The following RIT2 variants were observed in gnomAD, a reference collection of about 807,000 sequenced individuals.
RIT2 encodes the protein GTP-binding protein Rit2.
Under a neutral mutation model 23.7 loss-of-function variants are expected in RIT2, and 24 were observed. That is an observed-to-expected ratio of 1.01 (90% CI 0.73 to 1.43). The LOEUF (loss-of-function observed/expected upper bound fraction) is 1.43. RIT2 is among the 40% of genes most tolerant of loss of function. The probability of loss-of-function intolerance (pLI) is 0.00; values close to 1 mark genes in which losing one functional copy is unlikely to be tolerated. For missense variants in RIT2, 236 were observed against 266.9 expected, an observed-to-expected ratio of 0.88 and a Z score of 0.81; for synonymous variants, 107 against 91.1, an observed-to-expected ratio of 1.17 and a Z score of -0.99.
intron 3 of RIT2, among the ~76,000 whole-genome samples, chr18:42,929,053 A>ATATATATT (rs1232308061): frequency 2.8e-5 from 4 of 145,370 alleles, no homozygotes; most frequent in Admixed American, 7.0e-5. Flanking sequence ...ATATATATAT[A>ATATATATT]TATATTTATA....
chr18:42,784,539 T>C (rs1278759827), intron 4 of RIT2, among the ~76,000 whole-genome samples: 1 of 152,106 alleles, frequency 6.6e-6, no homozygotes, highest in Non-Finnish European at 1.5e-5. Flanking sequence ...TGATTGTAAA[T>C]TCTCAGTAAA....
At chr18:42,779,307 T>C in intron 4 of RIT2, among the ~76,000 whole-genome samples, 1 of 152,166 alleles carries the variant, frequency 6.6e-6, no homozygotes, top group East Asian at 1.9e-4. Flanking sequence ...TGAAATGTAA[T>C]TGTCAAAAAA....
chr18:42,803,766 A>G (rs557464506), intron 4 of RIT2, among the ~76,000 whole-genome samples: 30 of 152,368 alleles, frequency 2.0e-4, no homozygotes, highest in African/African-American at 6.5e-4. Context: ...AGCATTTTGC[A>G]AACAACATTG....
intron 2 of RIT2, among the ~76,000 whole-genome samples, chr18:42,983,554 G>T (rs1734067905): frequency 6.6e-6 from 1 of 151,948 alleles, no homozygotes. Context: ...CCATTAACAT[G>T]AGGAAAAGAC....
intron 1 of RIT2, among the ~76,000 whole-genome samples, chr18:43,034,858 T>C (rs550806081): frequency 6.6e-6 from 1 of 152,288 alleles, no homozygotes; most frequent in South Asian, 2.1e-4. Context: ...CTCCCCTTGA[T>C]GTCTCCTCTT....
At chr18:42,872,291 C>G (rs572158424) in intron 4 of RIT2, among the ~76,000 whole-genome samples, 1 of 152,240 alleles carries the variant, frequency 6.6e-6, no homozygotes, top group African/African-American at 2.4e-5. Context: ...GTTTGTTGCT[C>G]AAATGTGATC....
intron 2 of RIT2, among the ~76,000 whole-genome samples, chr18:42,992,019 C>G (rs983131984): frequency 6.6e-6 from 1 of 151,916 alleles, no homozygotes; most frequent in Non-Finnish European, 1.5e-5. Context: ...TGTGCCCCAA[C>G]CCCTTATTTC....
intron 4 of RIT2, among the ~76,000 whole-genome samples, chr18:42,797,902 A>G (rs2143957526): frequency 6.6e-6 from 1 of 152,336 alleles, no homozygotes; most frequent in South Asian, 2.1e-4. Context: ...AAGAAGGTGG[A>G]CAAATAAAGG....
chr18:42,901,844 G>C (rs767597933), intron 4 of RIT2, among the ~76,000 whole-genome samples: 1 of 151,826 alleles, frequency 6.6e-6, no homozygotes, highest in Non-Finnish European at 1.5e-5. Context: ...TTGCTGTATT[G>C]TCAAAGGAGA....
At chr18:42,991,741 G>T (rs936915110) in intron 2 of RIT2, among the ~76,000 whole-genome samples, 3 of 151,884 alleles carry the variant, frequency 2.0e-5, no homozygotes, top group African/African-American at 7.3e-5. Context: ...AAAAGCTCCC[G>T]TACTGAGCAC....
chr18:43,067,658 T>C (rs1912801592), intron 1 of RIT2, among the ~76,000 whole-genome samples: 1 of 152,166 alleles, frequency 6.6e-6, no homozygotes, highest in South Asian at 2.1e-4. Flanking sequence ...GACCAAAGTT[T>C]TATCATGCAA....
intron 4 of RIT2, among the ~76,000 whole-genome samples, chr18:42,840,019 G>C (rs1036459156): frequency 1.3e-5 from 2 of 152,024 alleles, no homozygotes; most frequent in African/African-American, 4.8e-5. Context: ...TTCAACTAAG[G>C]GTCAACCAAA....
chr18:42,998,054 T>A (rs954498281), intron 2 of RIT2, among the ~76,000 whole-genome samples: 1 of 152,166 alleles, frequency 6.6e-6, no homozygotes, highest in South Asian at 2.1e-4. Context: ...ACATTTTTTT[T>A]AACTTACTTC....
At chr18:43,069,821 C>A (rs1035152201) in intron 1 of RIT2, among the ~76,000 whole-genome samples, 6 of 152,190 alleles carry the variant, frequency 3.9e-5, no homozygotes, top group African/African-American at 1.4e-4. Context: ...TTTCCTCTCA[C>A]TTCCTTCAGT....
intron 1 of RIT2, among the ~76,000 whole-genome samples, chr18:43,074,589 A>G (rs7238648): frequency 0.95 from 144,432 of 152,240 alleles, 68,923 homozygotes; most frequent in East Asian, 1. Flanking sequence ...TTTAAGATAC[A>G]TGTACATATA....
At chr18:42,920,186 G>A (rs1909019162) in intron 4 of RIT2, among the ~76,000 whole-genome samples, 1 of 152,068 alleles carries the variant, frequency 6.6e-6, no homozygotes, top group South Asian at 2.1e-4. Context: ...AGATGCTACT[G>A]CTCTAAGAAG....
intron 3 of RIT2, among the ~76,000 whole-genome samples, chr18:42,967,761 T>C (rs1208347696): frequency 6.6e-6 from 1 of 151,022 alleles, no homozygotes; most frequent in Non-Finnish European, 1.5e-5. Context: ...TCTTAATATA[T>C]TGATAGTTTA....
At chr18:42,868,392 G>T in intron 4 of RIT2, among the ~76,000 whole-genome samples, 1 of 152,112 alleles carries the variant, frequency 6.6e-6, no homozygotes, top group East Asian at 1.9e-4. Flanking sequence ...GAAATGGCTA[G>T]GTTCAGCTGT....
At chr18:42,978,318 C>G (rs1179527054) in intron 2 of RIT2, among the ~76,000 whole-genome samples, 1 of 149,208 alleles carries the variant, frequency 6.7e-6, no homozygotes, top group African/African-American at 2.5e-5. Flanking sequence ...TTTTTTTTCT[C>G]TCTTTTAAAA....
Sources: allele counts gnomAD v4.1 joint callset (sites outside exome capture counted in the v4.1 genomes callset), GRCh38; gene constraint gnomAD v4.1.1; transcripts MANE v1.5; gene names NCBI Gene and HGNC (gene_info 2026-07-23, HGNC 2026-07-21).